Variants in TRABD2B observed in about 807,000 individuals in gnomAD.
The protein encoded by TRABD2B is metalloprotease TIKI2.
Under a neutral mutation model 40.1 loss-of-function variants are expected in TRABD2B, and 14 were observed. The observed-to-expected ratio is 0.35, with a 90% CI of 0.23 to 0.55. The LOEUF is 0.55. Among genes scored for constraint, TRABD2B ranks in the 20% least tolerant of loss-of-function variants. The pLI is 0.90. For missense variants in TRABD2B, 541 were observed against 648.6 expected, an observed-to-expected ratio of 0.83 and a Z score of 1.80; for synonymous variants, 263 against 277.0, an observed-to-expected ratio of 0.95 and a Z score of 0.50.
chr1:47,826,168 C>A (rs1645171136), intron 2 of TRABD2B, among the ~76,000 whole-genome samples: 3 of 152,184 alleles, frequency 2.0e-5, no homozygotes, highest in Non-Finnish European at 4.4e-5. Context: ...ATCACACATA[C>A]ATCAAGGCAG....
intron 2 of TRABD2B, among the ~76,000 whole-genome samples, chr1:47,839,850 T>C (rs1263906137): frequency 2.6e-5 from 4 of 152,176 alleles, no homozygotes; most frequent in Non-Finnish European, 5.9e-5. Context: ...AACCCCTGGC[T>C]ACCTGGTAGA....
At chr1:47,977,090 C>G (rs1443703285) in intron 2 of TRABD2B, among the ~76,000 whole-genome samples, 1 of 146,696 alleles carries the variant, frequency 6.8e-6, no homozygotes, top group Non-Finnish European at 1.5e-5. Context: ...TTTTTTCCCG[C>G]GAGACAGAGT....
chr1:47,979,457 G>GCCATAACCATAAAC (rs1645808641), intron 2 of TRABD2B, among the ~76,000 whole-genome samples: 1 of 152,176 alleles, frequency 6.6e-6, no homozygotes, highest in Non-Finnish European at 1.5e-5. Context: ...CTTTGCAGCA[G>GCCATAACCATAAAC]CAGGGGTATG....
At chr1:47,775,132 C>T (rs979570616) in intron 6 of TRABD2B, 38 bp downstream of exon 6, 53 of 1,232,388 alleles carry the variant, frequency 4.3e-5, no homozygotes, top group Middle Eastern at 3.1e-4. Context: ...CGGGTGCAGA[C>T]GCCCAGCTCC....
At chr1:47,907,758 C>A (rs1419461346) in intron 2 of TRABD2B, among the ~76,000 whole-genome samples, 1 of 152,180 alleles carries the variant, frequency 6.6e-6, no homozygotes, top group Non-Finnish European at 1.5e-5. Flanking sequence ...GGTAGGAAAA[C>A]CCTCACAGTG....
At chr1:47,985,787 G>A (rs1293380117) in intron 2 of TRABD2B, among the ~76,000 whole-genome samples, 1 of 152,222 alleles carries the variant, frequency 6.6e-6, no homozygotes, top group Non-Finnish European at 1.5e-5. Context: ...CCAATCTGAT[G>A]ACCATGGATA....
rs528954987 is a variant in TRABD2B at position 47,840,053 on chromosome 1, T to C, written c.667-38434A>G. ...CCTCCTCGGATTCTGTTCTGGGGCC[T>C]GGGGTGCAGCCCAGGGCCTAATGAG... On this transcript the variant is annotated intron_variant, in intron 2 of 6. Coordinates refer to ENST00000606738, the MANE Select transcript of TRABD2B (RefSeq NM_001194986.2). 5.3e-5 allele frequency among the ~76,000 whole-genome samples: 8 copies of C among 152,120 alleles called. 1 individual carries two copies. The South Asian group carries it at 1.7e-3, about 32-fold the overall frequency.
rs1233439886 is a variant in TRABD2B, at chr1:47,761,342, G to C, written c.*4560C>G. Reference sequence around the variant, plus strand: ...TGAACCCTTTCCTCCCCTGGGGTCAGGGAGTGGGGCAGAGCGGGAAGGAGC... The same window carrying C: ...TGAACCCTTTCCTCCCCTGGGGTCACGGAGTGGGGCAGAGCGGGAAGGAGC... On this transcript the variant is annotated 3_prime_UTR_variant, in exon 7 of 7. Coordinates refer to ENST00000606738, the MANE Select transcript of TRABD2B (RefSeq NM_001194986.2). The C allele has an allele frequency of 6.6e-6, 1 of 152,396 alleles. No individual in the cohort carries two copies. The highest frequency in any genetic ancestry group is 1.5e-5 in the Non-Finnish European group (1 of 68,172). 9.4% of individuals were successfully genotyped at this position (152,396 alleles called of 1,614,324 possible). A position where few individuals can be genotyped will look rare whatever the true frequency, so the allele number is the denominator to read the frequency against.
intron 2 of TRABD2B, among the ~76,000 whole-genome samples, chr1:47,839,055 C>A (rs550458591): frequency 6.6e-6 from 1 of 152,304 alleles, no homozygotes; most frequent in African/African-American, 2.4e-5. Flanking sequence ...TGTGATAAGC[C>A]ACACCCTTGG....
intron 2 of TRABD2B, among the ~76,000 whole-genome samples, chr1:47,822,347 G>A (rs147423563): frequency 1.2e-4 from 19 of 152,324 alleles, no homozygotes; most frequent in Non-Finnish European, 2.5e-4. Flanking sequence ...GCCCCTGCCT[G>A]GTTTTTAGGT....
rs901897169 is a variant in TRABD2B, at chr1:47,957,332, G to A, written c.666+36702C>T. ...TCCAAAGAAACGCAGCTCCTCACCA[G>A]CAACAGAACAAAGCTGGATGGAGAA... is the stretch of plus-strand genomic sequence containing the variant. On this transcript the variant is annotated intron_variant, in intron 2 of 6. Coordinates refer to ENST00000606738, the MANE Select transcript of TRABD2B (RefSeq NM_001194986.2). Among the ~76,000 whole-genome samples, 3 of 152,214 alleles carry A rather than the reference G, an allele frequency of 2.0e-5. 1 individual carries two copies. Among genetic ancestry groups the A allele is most frequent in the Admixed American group, 2.0e-4 (3 of 15,278 alleles).
chr1:47,835,721 T>C (rs1478700994), intron 2 of TRABD2B, among the ~76,000 whole-genome samples: 2 of 152,170 alleles, frequency 1.3e-5, no homozygotes, highest in Non-Finnish European at 2.9e-5. Flanking sequence ...TGAACAAATA[T>C]TGAGATAATT....
intron 2 of TRABD2B, among the ~76,000 whole-genome samples, chr1:47,884,976 C>T (rs1644352305): frequency 6.6e-6 from 1 of 152,054 alleles, no homozygotes; most frequent in South Asian, 2.1e-4. Context: ...TTTAAGTGCC[C>T]AGACATTCAA....
At chr1:47,987,981 G>A (rs986885057) in intron 2 of TRABD2B, among the ~76,000 whole-genome samples, 5 of 152,284 alleles carry the variant, frequency 3.3e-5, no homozygotes, top group African/African-American at 1.2e-4. Context: ...GGGAGAAAAG[G>A]CTTCGGCACG....
chr1:47,812,075 T>C (rs1644972699), intron 2 of TRABD2B, among the ~76,000 whole-genome samples: 1 of 152,258 alleles, frequency 6.6e-6, no homozygotes, highest in Non-Finnish European at 1.5e-5. Flanking sequence ...GCCTCCACTC[T>C]GCCCAGGCTT....
chr1:47,962,408 C>G (rs1252195457), intron 2 of TRABD2B, among the ~76,000 whole-genome samples: 1 of 152,174 alleles, frequency 6.6e-6, no homozygotes. Context: ...AACTCATTGA[C>G]TGCAGCCCAG....
chr1:47,849,770 G>A (rs1425153127), intron 2 of TRABD2B, among the ~76,000 whole-genome samples: 2 of 152,224 alleles, frequency 1.3e-5, no homozygotes, highest in Admixed American at 1.3e-4. Flanking sequence ...CCTGGCCCCT[G>A]AAGGCCAACG....
At chr1:47,916,465 T>TGAGGCATGCAGGGC (rs747312248) in intron 2 of TRABD2B, among the ~76,000 whole-genome samples, 93 of 152,032 alleles carry the variant, frequency 6.1e-4, no homozygotes, top group Admixed American at 1.9e-3. Context: ...GAGGGCTGGG[T>TGAGGCATGCAGGGC]GAGGCATGCA....
At chr1:47,842,858 TA>T (rs1645417834) in intron 2 of TRABD2B, among the ~76,000 whole-genome samples, 1 of 152,038 alleles carries the variant, frequency 6.6e-6, no homozygotes, top group South Asian at 2.1e-4. Flanking sequence ...TGGACAAACA[TA>T]AAGCAAAGTA....
Sources: gnomAD v4.1 joint callset for allele counts (sites outside exome capture counted in the v4.1 genomes callset) on GRCh38, gnomAD v4.1.1 for gene constraint, MANE v1.5 for transcripts, NCBI Gene and HGNC (gene_info 2026-07-23, HGNC 2026-07-21) for gene names.